The following ADGRA1 variants were observed in gnomAD, a reference collection of about 807,000 sequenced individuals.
The protein encoded by ADGRA1 is G-protein coupled receptor 123.
Under a neutral mutation model 21.3 loss-of-function variants are expected in ADGRA1, and 12 were observed. The ratio of observed to expected loss-of-function variants is 0.56; its 90% CI spans 0.36 to 0.91. The LOEUF (loss-of-function observed/expected upper bound fraction) is 0.91. ADGRA1 is among the 40% of genes least tolerant of loss of function. ADGRA1 has a pLI of 0.01. For synonymous variants in ADGRA1, 385 were observed against 368.8 expected (o/e 1.04, Z -0.50); for missense variants, 790 against 805.6 (o/e 0.98, Z 0.23).
rs1193272668 is a variant in ADGRA1, at chr10:133,131,507, TG to T, written c.*1998del. 2 of 152,452 alleles carry T rather than the reference TG, an allele frequency of 1.3e-5. No individual in the cohort carries two copies. The highest frequency in any genetic ancestry group is 6.5e-5 in the Admixed American group (1 of 15,292). The allele number at this position is 152,452 out of a possible 1,614,324, so 9.4% of individuals were successfully genotyped here. On this transcript the variant is annotated 3_prime_UTR_variant, in exon 7 of 7. Coordinates refer to ENST00000392607, the MANE Select transcript of ADGRA1 (RefSeq NM_001083909.3). ...TGGGGTAGAGGGGCACCTGAATGTG[TG>T]GCCCCCGTCTGTGTCCTGGATCCTG...
chr10:133,127,297 A>G lies in ADGRA1; in HGVS notation c.466A>G (p.Arg156Gly). 6.2e-7 allele frequency: 1 copy of G among 1,600,004 alleles called. No homozygotes were observed. The highest frequency in any genetic ancestry group is 8.5e-7 in the Non-Finnish European group (1 of 1,174,464). ...ICGVTAATNIRNYGTEDEDTA... is the reference protein window; with the variant it reads ...ICGVTAATNIGNYGTEDEDTA... ...TGGGGTCACGGCTGCCACGAACATC[A>G]GGAATTACGGGACAGAGGACGAGGA... Residue 156 changes from arginine to glycine, a missense_variant, in exon 6 of 7, where the codon AGG becomes GGG. Around this residue, in one of 3 missense-constraint regions of ADGRA1, gnomAD observed 382 missense variants for 415.6 expected, o/e 0.92. Transcript: ENST00000392607.
rs1852477024 is a variant in ADGRA1, at chr10:133,129,724, A to ACACCCCTGCCCCTTCCTTGTCATC, written c.*213_*214insCACCCCTGCCCCTTCCTTGTCATC. 2.7e-6 allele frequency: 1 copy of ACACCCCTGCCCCTTCCTTGTCATC among 363,646 alleles called. No individual in the cohort carries two copies. The highest frequency in any genetic ancestry group is 5.0e-6 in the Non-Finnish European group (1 of 199,280). 22.5% of individuals were successfully genotyped at this position (363,646 alleles called of 1,614,324 possible). A position where few individuals can be genotyped will look rare whatever the true frequency, so the allele number is the denominator to read the frequency against. On this transcript the variant is annotated 3_prime_UTR_variant, in exon 7 of 7. Transcript: ENST00000392607. ...TCACACCCCTGCCCCTTCCTTGTGA[A>ACACCCCTGCCCCTTCCTTGTCATC]AGACCTCAGCGGGGAAACGCTCCGG...
chr10:133,112,754 C>T (rs1188445017), intron 5 of ADGRA1, among the ~76,000 whole-genome samples: 6 of 137,088 alleles, frequency 4.4e-5, no homozygotes, highest in African/African-American at 1.1e-4. Context: ...CGGGCCGCGT[C>T]GGTTATTTGG....
Position 133,128,807 on chromosome 10 carries a change from G to T in ADGRA1, c.979G>T (p.Ala327Ser). The change falls in exon 7 of 7, where the codon GCC becomes TCC. Residue 327 changes from alanine to serine, a missense_variant. Ala to Ser is a moderately conservative substitution (Grantham distance 99). Coordinates refer to ENST00000392607, the MANE Select transcript of ADGRA1 (RefSeq NM_001083909.3). The part of the protein sequence containing the change: ...WWACCPPRKD[A>S]HPALDANGAA... ...GGCATGCTGCCCGCCCCGCAAGGAC[G>T]CCCACCCCGCACTTGACGCCAACGG... 1.9e-6 allele frequency: 3 copies of T among 1,607,128 alleles called. No individual in the cohort carries two copies. The highest frequency in any genetic ancestry group is 2.5e-6 in the Non-Finnish European group (3 of 1,177,660).
intron 2 of ADGRA1, among the ~76,000 whole-genome samples, chr10:133,089,975 T>C (rs1851571091): frequency 6.6e-6 from 1 of 152,126 alleles, no homozygotes; most frequent in Non-Finnish European, 1.5e-5. Flanking sequence ...CCATCGCTGT[T>C]GCCCCGCAGG....
At chr10:133,124,135 C>G (rs1473532805) in intron 5 of ADGRA1, among the ~76,000 whole-genome samples, 2 of 152,044 alleles carry the variant, frequency 1.3e-5, no homozygotes, top group Non-Finnish European at 2.9e-5. Flanking sequence ...CTGCACCCTC[C>G]CCGGCCAGCC....
chr10:133,110,332 G>A (rs58675270), intron 5 of ADGRA1, among the ~76,000 whole-genome samples: 18,077 of 152,300 alleles, frequency 0.12, 1,283 homozygotes, highest in Non-Finnish European at 0.16. Context: ...CCACAGCTAC[G>A]GAGCCTCACA....
intron 5 of ADGRA1, among the ~76,000 whole-genome samples, chr10:133,109,607 C>A (rs1851951082): frequency 6.6e-6 from 1 of 152,128 alleles, no homozygotes; most frequent in African/African-American, 2.4e-5. Context: ...TAAGTGAGAC[C>A]CCGACCTTCT....
intron 5 of ADGRA1, among the ~76,000 whole-genome samples, chr10:133,119,879 C>T (rs1256634070): frequency 6.6e-6 from 1 of 152,196 alleles, no homozygotes; most frequent in Non-Finnish European, 1.5e-5. Context: ...GCTTTGTTGT[C>T]CACTTAACGG....
In ADGRA1 at chr10:133,094,088, G is replaced by A. The variant is rs532283645; in HGVS notation, c.4-2886G>A. ...CCTCCAGCTCACGCGGCAGCTCCAG[G>A]CGTCCACGCCTGCCCTTGCCGCCTC... On this transcript the variant is annotated intron_variant, in intron 2 of 6. Coordinates refer to ENST00000392607, the MANE Select transcript of ADGRA1 (RefSeq NM_001083909.3). Among the ~76,000 whole-genome samples, 31 of 152,392 alleles carry A rather than the reference G, an allele frequency of 2.0e-4. No homozygotes were observed. In the East Asian group the frequency reaches 6.0e-3, roughly 29 times the overall value.
rs1453882855 is a variant in ADGRA1 at position 133,128,496 on chromosome 10, C to A, written c.668C>A (p.Thr223Lys). 6.4e-7 allele frequency: 1 copy of A among 1,553,906 alleles called. No individual in the cohort carries two copies. The highest frequency in any genetic ancestry group is 1.2e-5 in the South Asian group (1 of 85,284). The change falls in exon 7 of 7, where the codon ACA becomes AAA. Residue 223 changes from threonine to lysine, a missense_variant. This residue lies in a region of ADGRA1 where 382 missense variants were observed against 415.6 expected (regional missense o/e 0.92). Transcript: ENST00000392607. Reference sequence around the variant, plus strand: ...CCCGAGGAGCAGCGGCGGCTGGCGACACCCGAGGGCGGCCGTGGGATCCGG... The same window carrying A: ...CCCGAGGAGCAGCGGCGGCTGGCGAAACCCGAGGGCGGCCGTGGGATCCGG... ...TQPEEQRRLATPEGGRGIRPG... is the reference protein window; with the variant it reads ...TQPEEQRRLAKPEGGRGIRPG...
chr10:133,115,136 C>CGGTGCACCTGGGCCTCAGGCGATGGATGA (rs903739953), intron 5 of ADGRA1, among the ~76,000 whole-genome samples: 4 of 152,134 alleles, frequency 2.6e-5, no homozygotes, highest in East Asian at 1.9e-4. Context: ...CAGATTTCAG[C>CGGTGCACCTGGGCCTCAGGCGATGGATGA]GGTGCACCTG....
chr10:133,129,291 A>T lies in ADGRA1; in HGVS notation c.1463A>T (p.Asp488Val), dbSNP rs753919118. 23 of 1,551,874 alleles carry T rather than the reference A, an allele frequency of 1.5e-5. No individual in the cohort carries two copies. Among genetic ancestry groups the T allele is most frequent in the Admixed American group, 2.0e-5 (1 of 51,226 alleles). ...ATGGTCACCCAGCCCGAGGGCAGTGATGGGAGCCCTGCCCTCTACAGCTGC... is the reference window on the plus strand; with the variant it reads ...ATGGTCACCCAGCCCGAGGGCAGTGTTGGGAGCCCTGCCCTCTACAGCTGC... ...FPMVTQPEGS[D>V]GSPALYSCPT... Residue 488 changes from aspartate (D) to valine (V), a missense_variant, in exon 7 of 7, where the codon GAT becomes GTT. By Grantham distance (152) the Asp-to-Val change is radical. Transcript: ENST00000392607.
chr10:133,089,905 G>A (rs895440691), intron 2 of ADGRA1, among the ~76,000 whole-genome samples: 1 of 152,174 alleles, frequency 6.6e-6, no homozygotes, highest in African/African-American at 2.4e-5. Flanking sequence ...AGCACCTCAG[G>A]GGGCAGCAGG....
chr10:133,127,370 C>T (rs745937429), intron 6 of ADGRA1, 39 bp downstream of exon 6: 61 of 1,471,312 alleles, frequency 4.1e-5, no homozygotes, highest in Non-Finnish European at 4.7e-5. Context: ...CTGGGAGCAG[C>T]GGGTGGGCTC....
chr10:133,128,616 T>A lies in ADGRA1; in HGVS notation c.788T>A (p.Leu263Gln). 2 of 1,605,348 alleles carry A rather than the reference T, an allele frequency of 1.2e-6. No homozygotes were observed. Among genetic ancestry groups the A allele is most frequent in the Non-Finnish European group, 1.7e-6 (2 of 1,177,756 alleles). The part of the protein sequence containing the change: ...QAQLRAAAFT[L>Q]FLFTATWAFG... Reference sequence around the variant, plus strand: ...CAGCTGCGCGCCGCCGCCTTCACGCTGTTCCTGTTCACGGCCACGTGGGCC... The same window carrying A: ...CAGCTGCGCGCCGCCGCCTTCACGCAGTTCCTGTTCACGGCCACGTGGGCC... The change falls in exon 7 of 7, where the codon CTG (leucine) becomes CAG (glutamine). Residue 263 changes from leucine (L) to glutamine (Q), a missense_variant. Leu to Gln is a moderately radical substitution (Grantham distance 113). Around this residue, in one of 3 missense-constraint regions of ADGRA1, gnomAD observed 382 missense variants for 415.6 expected, o/e 0.92. Coordinates refer to ENST00000392607, the MANE Select transcript of ADGRA1 (RefSeq NM_001083909.3).
chr10:133,123,939 T>A (rs1347062862), intron 5 of ADGRA1, among the ~76,000 whole-genome samples: 2 of 152,128 alleles, frequency 1.3e-5, no homozygotes, highest in Non-Finnish European at 2.9e-5. Flanking sequence ...TCTTGACGCG[T>A]GAGGTGAAAC....
rs1564849822 is a variant in ADGRA1 at position 133,112,019 on chromosome 10, A to ACCACCTGCCCACCACAGG, written c.401+9178_401+9179insCACCTGCCCACCACAGGC. Among the ~76,000 whole-genome samples, 12 of 27,934 alleles carry ACCACCTGCCCACCACAGG rather than the reference A, an allele frequency of 4.3e-4. 5 individuals are homozygous for ACCACCTGCCCACCACAGG. The highest frequency in any genetic ancestry group is 3.3e-3 in the African/African-American group (12 of 3,612). 18.3% of individuals were successfully genotyped at this position (27,934 alleles called of 152,430 possible). A position where few individuals can be genotyped will look rare whatever the true frequency, so the allele number is the denominator to read the frequency against. On this transcript the variant is annotated intron_variant, in intron 5 of 6. Transcript: ENST00000392607. ...CCTCCAGACCACCTGCCCACCACAGACACCTCCCTCCTAATGCCTCCAGAC... is the reference window on the plus strand; with the variant it reads ...CCTCCAGACCACCTGCCCACCACAGACCACCTGCCCACCACAGGCACCTCCCTCCTAATGCCTCCAGAC...
intron 5 of ADGRA1, among the ~76,000 whole-genome samples, chr10:133,106,560 G>C (rs934032634): frequency 2.6e-5 from 4 of 151,292 alleles, no homozygotes; most frequent in Non-Finnish European, 5.9e-5. Flanking sequence ...ACTGGGCCAA[G>C]GAGGGTGCCC....
Sources: gnomAD v4.1 joint callset for allele counts (sites outside exome capture counted in the v4.1 genomes callset) on GRCh38, gnomAD v4.1.1 for gene constraint, gnomAD v4.1.1 regional missense constraint, MANE v1.5 for transcripts, NCBI Gene and HGNC (gene_info 2026-07-23, HGNC 2026-07-21) for gene names.